USP32: variants seen among roughly 807,000 people sequenced by gnomAD.
USP32 encodes ubiquitin specific peptidase 32.
A neutral mutation model predicts 204.8 loss-of-function variants in USP32; 59 were observed. The ratio of observed to expected loss-of-function variants is 0.29; its 90% CI spans 0.23 to 0.36. The LOEUF (loss-of-function observed/expected upper bound fraction) is 0.36. USP32 is among the 10% of genes least tolerant of loss of function. The pLI, the probability that USP32 is intolerant of heterozygous loss-of-function variation, is 1.00. For missense variants in USP32, 1,160 were observed against 1,946.4 expected, an observed-to-expected ratio of 0.60 and a Z score of 7.60; for synonymous variants, 517 against 678.4, an observed-to-expected ratio of 0.76 and a Z score of 3.70.
At chr17:60,351,839 T>C (rs1459787692) in intron 1 of USP32, among the ~76,000 whole-genome samples, 1 of 152,138 alleles carries the variant, frequency 6.6e-6, no homozygotes, top group Non-Finnish European at 1.5e-5. Flanking sequence ...CAAAAATAAC[T>C]ATAATACCAA....
chr17:60,314,850 T>C (rs1399214160), intron 2 of USP32, among the ~76,000 whole-genome samples: 1 of 151,128 alleles, frequency 6.6e-6, no homozygotes, highest in Non-Finnish European at 1.5e-5. Flanking sequence ...AGGTATAAAG[T>C]GAAACAAAAA....
chr17:60,222,315 C>T, intron 15 of USP32, 94 bp downstream of exon 15: 1 of 1,375,794 alleles, frequency 7.3e-7, no homozygotes, highest in South Asian at 1.4e-5. Context: ...AAGGTAAGAG[C>T]TACTTTGTGG....
chr17:60,194,288 C>T (rs2084458701), intron 27 of USP32, among the ~76,000 whole-genome samples: 1 of 152,186 alleles, frequency 6.6e-6, no homozygotes, highest in South Asian at 2.1e-4. Context: ...AAGTGATCCT[C>T]CTGCCTCAGC....
Position 60,255,298 on chromosome 17 carries a change from C to CTTTTTTTTTTTT in USP32, c.991-52_991-41dup, listed in dbSNP as rs747340163. On this transcript the variant is annotated intron_variant, in intron 9 of 33. Transcript: ENST00000300896. Reference sequence around the variant, plus strand: ...CTCATGTTAGGAACATCTTTTTTTTCTTTTTTTTTTTTTTTTTGAGACGGA... The same window carrying CTTTTTTTTTTTT: ...CTCATGTTAGGAACATCTTTTTTTTCTTTTTTTTTTTTTTTTTTTTTTTTTTTTTGAGACGGA... The CTTTTTTTTTTTT allele has an allele frequency of 6.4e-6, 7 of 1,101,228 alleles. No individual in the cohort carries two copies. The African/African-American group carries it at 1.1e-4, about 17-fold the overall frequency. The allele number at this position is 1,101,228 out of a possible 1,614,324, so 68.2% of individuals were successfully genotyped here. A position where few individuals can be genotyped will look rare whatever the true frequency, so the allele number is the denominator to read the frequency against.
At chr17:60,347,646 C>A (rs571155087) in intron 1 of USP32, among the ~76,000 whole-genome samples, 151 of 151,706 alleles carry the variant, frequency 1.0e-3, no homozygotes, top group Admixed American at 2.0e-3. Flanking sequence ...AGCCACCGCG[C>A]CCGGCCTACA....
rs1474128232 is a variant in USP32, at chr17:60,255,096, T to G, written c.1074+79A>C. 4.1e-6 allele frequency: 4 copies of G among 982,284 alleles called. No individual in the cohort carries two copies. The Admixed American group carries it at 9.6e-5, about 24-fold the overall frequency. The allele number at this position is 982,284 out of a possible 1,614,324, so 60.8% of individuals were successfully genotyped here. A position where few individuals can be genotyped will look rare whatever the true frequency, so the allele number is the denominator to read the frequency against. Reference sequence around the variant, plus strand: ...GGTTTTGCAGCCTAGATACAACAACTCTGGCTACTATATGATGGAAAAGAT... The same window carrying G: ...GGTTTTGCAGCCTAGATACAACAACGCTGGCTACTATATGATGGAAAAGAT... On this transcript the variant is annotated intron_variant, in intron 10 of 33. Coordinates refer to ENST00000300896, the MANE Select transcript of USP32 (RefSeq NM_032582.4).
intron 31 of USP32, among the ~76,000 whole-genome samples, chr17:60,182,955 C>G (rs1219014936): frequency 6.6e-6 from 1 of 152,134 alleles, no homozygotes; most frequent in Non-Finnish European, 1.5e-5. Flanking sequence ...CTCTGTAAAC[C>G]TGGCATTATC....
chr17:60,216,045 T>C (rs2085092909), intron 16 of USP32, among the ~76,000 whole-genome samples: 1 of 151,962 alleles, frequency 6.6e-6, no homozygotes. Context: ...AGCCAAGAAG[T>C]TTCCCATGGC....
At chr17:60,230,512 C>T (rs531246877) in intron 12 of USP32, among the ~76,000 whole-genome samples, 3 of 152,322 alleles carry the variant, frequency 2.0e-5, no homozygotes, top group East Asian at 3.9e-4. Flanking sequence ...CTAGCAACTG[C>T]GGTTCTACCA....
chr17:60,314,311 T>G (rs1315660911), intron 2 of USP32, among the ~76,000 whole-genome samples: 1 of 151,890 alleles, frequency 6.6e-6, no homozygotes, highest in Non-Finnish European at 1.5e-5. Flanking sequence ...CTGGCTAATT[T>G]TGAGTATTTT....
At chr17:60,305,997 G>A (rs894554061) in intron 2 of USP32, among the ~76,000 whole-genome samples, 1 of 151,918 alleles carries the variant, frequency 6.6e-6, no homozygotes, top group Non-Finnish European at 1.5e-5. Flanking sequence ...GTTCTAGGAT[G>A]TACATATTTT....
At chr17:60,259,636 G>A (rs1467683221) in intron 9 of USP32, among the ~76,000 whole-genome samples, 2 of 152,144 alleles carry the variant, frequency 1.3e-5, no homozygotes, top group Non-Finnish European at 2.9e-5. Context: ...ATGATATGCT[G>A]AGAAAGTACT....
At chr17:60,368,326 T>A (rs2146078568) in intron 1 of USP32, among the ~76,000 whole-genome samples, 1 of 152,346 alleles carries the variant, frequency 6.6e-6, no homozygotes, top group South Asian at 2.1e-4. Context: ...AAATACACAT[T>A]AGATTGCTTT....
intron 1 of USP32, among the ~76,000 whole-genome samples, chr17:60,369,364 G>T (rs1034283982): frequency 1.9e-4 from 29 of 149,812 alleles, no homozygotes; most frequent in African/African-American, 6.4e-4. Flanking sequence ...GCTGAGGTGG[G>T]AGGATCACTT....
chr17:60,400,020 A>C (rs751036783), intron 1 of USP32, among the ~76,000 whole-genome samples: 1 of 152,072 alleles, frequency 6.6e-6, no homozygotes, highest in Non-Finnish European at 1.5e-5. Flanking sequence ...CCTGGAGTGC[A>C]GTAGTGTGAT....
intron 2 of USP32, among the ~76,000 whole-genome samples, chr17:60,345,102 T>C (rs946063179): frequency 1.1e-4 from 17 of 152,228 alleles, no homozygotes; most frequent in Admixed American, 7.8e-4. Context: ...TTTTATAGAA[T>C]TAACTATGTT....
chr17:60,222,683 T>A, intron 14 of USP32, 134 bp from the exon 15 acceptor site: 1 of 841,364 alleles, frequency 1.2e-6, no homozygotes, highest in Non-Finnish European at 1.8e-6. Context: ...CTTAATTTTT[T>A]TTTTTTTTTT....
chr17:60,246,411 A>T (rs79379609), intron 11 of USP32, among the ~76,000 whole-genome samples: 46 of 145,872 alleles, frequency 3.2e-4, no homozygotes, highest in African/African-American at 1.0e-3. Context: ...ATATATATAT[A>T]TATTTTTTTT....
chr17:60,181,289 A>T (rs771990449), intron 32 of USP32, 35 bp downstream of exon 32: 1 of 1,578,520 alleles, frequency 6.3e-7, no homozygotes, highest in South Asian at 1.2e-5. Flanking sequence ...CAAAACACAG[A>T]CCACTCTCTG....
Sources: allele counts gnomAD v4.1 joint callset (sites outside exome capture counted in the v4.1 genomes callset), GRCh38; gene constraint gnomAD v4.1.1; transcripts MANE v1.5; gene names NCBI Gene and HGNC (gene_info 2026-07-23, HGNC 2026-07-21).